The following CACNB4 variants were observed in gnomAD, a reference collection of about 807,000 sequenced individuals.
CACNB4 encodes voltage-dependent L-type calcium channel subunit beta-4.
CACNB4 carries 32 observed loss-of-function variants against 71.2 expected under a neutral mutation model. That is an observed-to-expected ratio of 0.45 (90% CI 0.34 to 0.60). The LOEUF (loss-of-function observed/expected upper bound fraction) is 0.60, where lower values mean the gene tolerates loss of function less well. CACNB4 is among the 20% of genes least tolerant of loss of function. CACNB4 has a pLI of 0.01. For missense variants in CACNB4, 464 were observed against 647.9 expected (o/e 0.72, Z 3.08); for synonymous variants, 231 against 236.9 (o/e 0.97, Z 0.23).
At chr2:152,006,551 C>A (rs1233932825) in intron 2 of CACNB4, among the ~76,000 whole-genome samples, 1 of 151,998 alleles carries the variant, frequency 6.6e-6, no homozygotes, top group Non-Finnish European at 1.5e-5. Context: ...CAGGTGTGAG[C>A]CACCACATCT....
At chr2:152,035,651 C>CTCTCTCTCTCTCTCTCTCTCTCTATATA (rs796161186) in intron 2 of CACNB4, among the ~76,000 whole-genome samples, 2 of 118,040 alleles carry the variant, frequency 1.7e-5, no homozygotes, top group Admixed American at 8.6e-5. Context: ...CTCTCTCTCT[C>CTCTCTCTCTCTCTCTCTCTCTCTATATA]TATATATATA....
chr2:151,943,707 C>T (rs1356190893), intron 2 of CACNB4, among the ~76,000 whole-genome samples: 1 of 152,136 alleles, frequency 6.6e-6, no homozygotes, highest in Non-Finnish European at 1.5e-5. Flanking sequence ...ACTGGGAAAG[C>T]CTCCAGAAAA....
chr2:152,025,599 C>A (rs1683918564), intron 2 of CACNB4, among the ~76,000 whole-genome samples: 1 of 152,206 alleles, frequency 6.6e-6, no homozygotes, highest in Non-Finnish European at 1.5e-5. Flanking sequence ...TTTGGAATAT[C>A]TCAAATCATC....
At chr2:151,895,907 C>A (rs529750144) in intron 2 of CACNB4, among the ~76,000 whole-genome samples, 73 of 149,988 alleles carry the variant, frequency 4.9e-4, no homozygotes, top group Admixed American at 1.9e-3. Flanking sequence ...GCAAATGGGG[C>A]AATCTCAGCT....
chr2:151,911,780 A>C (rs1230963756), intron 2 of CACNB4, among the ~76,000 whole-genome samples: 2 of 152,160 alleles, frequency 1.3e-5, no homozygotes, highest in Non-Finnish European at 2.9e-5. Flanking sequence ...TTTCTAGTAG[A>C]ATTCAGCTGT....
chr2:151,884,338 A>C (rs1241198228), intron 2 of CACNB4, among the ~76,000 whole-genome samples: 1 of 143,372 alleles, frequency 7.0e-6, no homozygotes, highest in Non-Finnish European at 1.5e-5. Context: ...AAAAAATTAA[A>C]AAAGGCCAGG....
intron 6 of CACNB4, chr2:151,872,182 C>T (rs1448553934): frequency 2.3e-6 from 1 of 440,642 alleles, no homozygotes; most frequent in South Asian, 2.4e-5. Flanking sequence ...CAGTTATTAA[C>T]ACTGAGGGGT....
At chr2:151,947,928 T>C (rs993533220) in intron 2 of CACNB4, among the ~76,000 whole-genome samples, 2 of 152,214 alleles carry the variant, frequency 1.3e-5, no homozygotes, top group African/African-American at 4.8e-5. Flanking sequence ...TGAGGAGTCT[T>C]GGCCGAGGCT....
intron 2 of CACNB4, among the ~76,000 whole-genome samples, chr2:151,911,069 T>C (rs1176122299): frequency 2.0e-5 from 3 of 152,216 alleles, no homozygotes. Context: ...GCAGTGATTG[T>C]GAATGGGAGT....
intron 2 of CACNB4, among the ~76,000 whole-genome samples, chr2:151,979,026 C>G (rs2099874264): frequency 6.6e-6 from 1 of 152,134 alleles, no homozygotes; most frequent in African/African-American, 2.4e-5. Context: ...AGCGCTCTCC[C>G]ACTGGCCTCC....
intron 2 of CACNB4, among the ~76,000 whole-genome samples, chr2:151,921,053 C>T (rs1425045536): frequency 1.3e-5 from 2 of 151,852 alleles, no homozygotes; most frequent in Non-Finnish European, 2.9e-5. Flanking sequence ...AGGAGAATGG[C>T]GTGAACCCGG....
At chr2:151,915,835 G>A (rs1251277903) in intron 2 of CACNB4, among the ~76,000 whole-genome samples, 22 of 132,156 alleles carry the variant, frequency 1.7e-4, no homozygotes, top group Non-Finnish European at 2.6e-4. Flanking sequence ...CAACAAGAGC[G>A]AAGCTCCATC....
chr2:151,927,759 GGGTT>G (rs1275098874), intron 2 of CACNB4, among the ~76,000 whole-genome samples: 4 of 152,232 alleles, frequency 2.6e-5, no homozygotes, highest in Admixed American at 6.5e-5. Context: ...GATATAATCA[GGGTT>G]GTGCAAGTGA....
intron 2 of CACNB4, among the ~76,000 whole-genome samples, chr2:152,009,510 G>C (rs1241120832): frequency 6.6e-6 from 1 of 152,180 alleles, no homozygotes; most frequent in Non-Finnish European, 1.5e-5. Context: ...ACTAACGGGG[G>C]AAACTCGGTG....
In CACNB4 at chr2:152,098,782, G is replaced by A; in HGVS notation, c.63+167C>T. Reference sequence around the variant, plus strand: ...GGAAGAGAAGGAGGAGAAAGAGGAGGAGCGGGAGGAGAAAGGGACGTGGAG... The same window carrying A: ...GGAAGAGAAGGAGGAGAAAGAGGAGAAGCGGGAGGAGAAAGGGACGTGGAG... On this transcript the variant is annotated intron_variant, in intron 1 of 13. Coordinates refer to ENST00000539935, the MANE Select transcript of CACNB4 (RefSeq NM_000726.5). The surrounding 1 kb of genome is among the most constrained non-coding windows in gnomAD (Gnocchi z 5.3). 1 of 1,220,858 alleles carries A rather than the reference G, an allele frequency of 8.2e-7. No homozygotes were observed. The highest frequency in any genetic ancestry group is 1.1e-6 in the Non-Finnish European group (1 of 873,208). 75.6% of individuals were successfully genotyped at this position (1,220,858 alleles called of 1,614,324 possible). A position where few individuals can be genotyped will look rare whatever the true frequency, so the allele number is the denominator to read the frequency against.
chr2:152,061,342 A>T (rs954118820), intron 2 of CACNB4, among the ~76,000 whole-genome samples: 2 of 152,180 alleles, frequency 1.3e-5, no homozygotes, highest in Non-Finnish European at 2.9e-5. Flanking sequence ...TTTTAAAAAT[A>T]TCTGAAATTT....
At chr2:151,855,469 C>A in intron 10 of CACNB4, 94 bp from the exon 11 acceptor site, 1 of 926,526 alleles carries the variant, frequency 1.1e-6, no homozygotes. Flanking sequence ...TGTTGGTCTA[C>A]ATTACAAAAT....
At chr2:151,893,948 CA>C (rs554299305) in intron 2 of CACNB4, among the ~76,000 whole-genome samples, 98 of 152,064 alleles carry the variant, frequency 6.4e-4, no homozygotes, top group African/African-American at 2.2e-3. Context: ...AAGGACAAAG[CA>C]AAAAAAGAAA....
At chr2:151,870,412 G>A in intron 8 of CACNB4, 119 bp downstream of exon 8, 1 of 805,356 alleles carries the variant, frequency 1.2e-6, no homozygotes, top group Non-Finnish European at 2.1e-6. Flanking sequence ...GCCTTCCCAT[G>A]CTGAGCACTG....
Sources: gnomAD v4.1 joint callset for allele counts (sites outside exome capture counted in the v4.1 genomes callset) on GRCh38, gnomAD v4.1.1 for gene constraint, Gnocchi (gnomAD v3.1) non-coding constraint, MANE v1.5 for transcripts, NCBI Gene and HGNC (gene_info 2026-07-23, HGNC 2026-07-21) for gene names.